Variants in LUZP2 observed in about 807,000 individuals in gnomAD.
LUZP2 encodes leucine zipper protein 2.
Under a neutral mutation model 51.6 loss-of-function variants are expected in LUZP2, and 52 were observed. The observed-to-expected ratio is 1.01, with a 90% confidence interval of 0.81 to 1.27. LUZP2 has a LOEUF of 1.27. LUZP2 is among the 50% of genes most tolerant of loss of function. LUZP2 has a pLI of 0.00. For missense variants in LUZP2, 436 were observed against 395.4 expected, an observed-to-expected ratio of 1.10 and a Z score of -0.87; for synonymous variants, 154 against 137.3, an observed-to-expected ratio of 1.12 and a Z score of -0.85.
intron 7 of LUZP2, among the ~76,000 whole-genome samples, chr11:24,973,366 T>TTTTTG (rs1554948335): frequency 3.5e-5 from 4 of 114,690 alleles, no homozygotes; most frequent in East Asian, 2.2e-4. Flanking sequence ...ATTTATTAGT[T>TTTTTG]TTTTTTTTTT....
At chr11:24,894,572 G>GTT (rs747986330) in intron 5 of LUZP2, among the ~76,000 whole-genome samples, 6 of 143,644 alleles carry the variant, frequency 4.2e-5, no homozygotes, top group Non-Finnish European at 3.1e-5. Flanking sequence ...GTACCCAGTA[G>GTT]TTTTTTTTTT....
In LUZP2 at chr11:24,751,629, G is replaced by A. The variant is rs981766305; in HGVS notation, c.334-11617G>A. The A allele has an allele frequency of 3.5e-5, 34 of 969,432 alleles. No homozygotes were observed. The African/African-American group carries it at 5.8e-4, about 17-fold the overall frequency. 60.1% of individuals were successfully genotyped at this position (969,432 alleles called of 1,614,324 possible). A position where few individuals can be genotyped will look rare whatever the true frequency, so the allele number is the denominator to read the frequency against. ...ATGCTTTCAAAGTTTTCTATCCTGG[G>A]TTTTTCATTTTCTCCCCAGGACAGC... On this transcript the variant is annotated intron_variant, in intron 4 of 11. Transcript: ENST00000336930.
At chr11:24,628,616 T>A (rs1174899710) in intron 1 of LUZP2, among the ~76,000 whole-genome samples, 1 of 152,176 alleles carries the variant, frequency 6.6e-6, no homozygotes. Flanking sequence ...TGGAGTGCAG[T>A]GGTGCCATCT....
At chr11:25,001,692 T>C (rs1856685238) in intron 9 of LUZP2, among the ~76,000 whole-genome samples, 1 of 152,222 alleles carries the variant, frequency 6.6e-6, no homozygotes, top group Admixed American at 6.5e-5. Context: ...CTTATATCTC[T>C]CTTTCTCTTT....
chr11:24,921,418 C>CTGGTGTTA (rs1480474230), intron 7 of LUZP2, among the ~76,000 whole-genome samples: 1 of 151,980 alleles, frequency 6.6e-6, no homozygotes, highest in African/African-American at 2.4e-5. Flanking sequence ...TTCTGAACAC[C>CTGGTGTTA]TGGTGTTATC....
intron 7 of LUZP2, among the ~76,000 whole-genome samples, chr11:24,927,597 T>C (rs192242234): frequency 7.7e-4 from 118 of 152,302 alleles, no homozygotes; most frequent in African/African-American, 2.7e-3. Flanking sequence ...CATTGGTCTA[T>C]ATAACTATTT....
chr11:24,876,480 A>G (rs896727008), intron 5 of LUZP2, among the ~76,000 whole-genome samples: 4 of 149,014 alleles, frequency 2.7e-5, no homozygotes, highest in African/African-American at 9.9e-5. Flanking sequence ...TACCAGTACC[A>G]TGCTGTTTTG....
chr11:25,013,328 T>A (rs568327656), intron 9 of LUZP2, among the ~76,000 whole-genome samples: 1 of 152,262 alleles, frequency 6.6e-6, no homozygotes, highest in East Asian at 1.9e-4. Context: ...ACTGTAGTTA[T>A]ACAAAAATGT....
At chr11:24,805,199 C>A (rs1849819548) in intron 5 of LUZP2, among the ~76,000 whole-genome samples, 1 of 152,064 alleles carries the variant, frequency 6.6e-6, no homozygotes, top group Non-Finnish European at 1.5e-5. Flanking sequence ...TGGCGGCAGG[C>A]AAAGAGAGAG....
chr11:24,518,610 TG>T (rs1432937229), intron 1 of LUZP2, among the ~76,000 whole-genome samples: 1 of 152,222 alleles, frequency 6.6e-6, no homozygotes, highest in Non-Finnish European at 1.5e-5. Context: ...TATCAGAAGA[TG>T]ATAGTGGGTT....
rs769476957 is a variant in LUZP2, at chr11:24,971,592, G to A, written c.523-4999G>A. On this transcript the variant is annotated intron_variant, in intron 7 of 11. Transcript: ENST00000336930. ...CAAACCTCAGCATCATGCAATATCCGCATGTAACAAATCTGCACACGTACG... is the reference window on the plus strand; with the variant it reads ...CAAACCTCAGCATCATGCAATATCCACATGTAACAAATCTGCACACGTACG... Among the ~76,000 whole-genome samples the A allele has an allele frequency of 1.3e-4, 19 of 151,910 alleles. 1 individual carries two copies. The highest frequency in any genetic ancestry group is 1.2e-3 in the South Asian group (6 of 4,816).
intron 5 of LUZP2, among the ~76,000 whole-genome samples, chr11:24,866,650 T>C (rs566293113): frequency 2.0e-4 from 31 of 152,250 alleles, no homozygotes; most frequent in African/African-American, 7.2e-4. Flanking sequence ...CAAAAAAAAC[T>C]GCTATCCCTC....
chr11:24,556,857 C>G (rs1258102653), intron 1 of LUZP2, among the ~76,000 whole-genome samples: 1 of 152,162 alleles, frequency 6.6e-6, no homozygotes, highest in Non-Finnish European at 1.5e-5. Context: ...ATACATGACA[C>G]ACACATAGGC....
intron 5 of LUZP2, among the ~76,000 whole-genome samples, chr11:24,875,344 G>C (rs1224253388): frequency 3.3e-5 from 5 of 149,502 alleles, no homozygotes; most frequent in African/African-American, 1.2e-4. Flanking sequence ...TGAGTGAGAA[G>C]ATGTGGTGTT....
At chr11:24,967,448 A>G (rs1428605711) in intron 7 of LUZP2, among the ~76,000 whole-genome samples, 1 of 151,894 alleles carries the variant, frequency 6.6e-6, no homozygotes, top group African/African-American at 2.4e-5. Context: ...ATTTTTTCCT[A>G]ACAATTCTGA....
intron 5 of LUZP2, among the ~76,000 whole-genome samples, chr11:24,864,162 T>C (rs1044083225): frequency 3.9e-5 from 6 of 152,122 alleles, no homozygotes; most frequent in African/African-American, 1.4e-4. Flanking sequence ...TAATAATAAG[T>C]GTAATTATAG....
chr11:24,503,114 G>T (rs924735199), intron 1 of LUZP2, among the ~76,000 whole-genome samples: 9 of 152,108 alleles, frequency 5.9e-5, no homozygotes, highest in Non-Finnish European at 1.2e-4. Flanking sequence ...CATATGAAAG[G>T]GATCTTATAC....
chr11:24,767,885 C>T (rs1860253121), intron 5 of LUZP2, among the ~76,000 whole-genome samples: 1 of 152,144 alleles, frequency 6.6e-6, no homozygotes, highest in Non-Finnish European at 1.5e-5. Context: ...TGGCAACTGC[C>T]TCATCATGTA....
At chr11:24,580,925 T>C (rs1852830117) in intron 1 of LUZP2, among the ~76,000 whole-genome samples, 1 of 152,116 alleles carries the variant, frequency 6.6e-6, no homozygotes, top group Non-Finnish European at 1.5e-5. Context: ...TTTACTGCCA[T>C]ATATATTATG....
Sources: allele counts gnomAD v4.1 joint callset (sites outside exome capture counted in the v4.1 genomes callset), GRCh38; gene constraint gnomAD v4.1.1; transcripts MANE v1.5; gene names NCBI Gene and HGNC (gene_info 2026-07-23, HGNC 2026-07-21).